Variants in LOC128092252 observed in about 807,000 individuals in gnomAD.
chr15:50,658,409 C>CA, the LOC128092252 span, among the ~76,000 whole-genome samples: 43 of 143,548 alleles, frequency 3.0e-4, no homozygotes, highest in East Asian at 2.2e-3. Flanking sequence ...TCCGTCTCTA[C>CA]AAAAAAAAAA....
chr15:50,660,899 G>T, the LOC128092252 span, among the ~76,000 whole-genome samples: 4 of 151,470 alleles, frequency 2.6e-5, no homozygotes, highest in Non-Finnish European at 5.9e-5. Flanking sequence ...GCTAAAAATC[G>T]AAAACAACTA....
chr15:50,671,018 C>T, the LOC128092252 span, among the ~76,000 whole-genome samples: 1 of 152,076 alleles, frequency 6.6e-6, no homozygotes, highest in African/African-American at 2.4e-5. Context: ...ATGGCTAAAT[C>T]GAGCTAATTA....
At chr15:50,654,955 T>G in the LOC128092252 span, among the ~76,000 whole-genome samples, 1 of 138,300 alleles carries the variant, frequency 7.2e-6, no homozygotes, top group Non-Finnish European at 1.5e-5. Flanking sequence ...GAGCTGAGAC[T>G]GCGCCACTGC....
the LOC128092252 span, among the ~76,000 whole-genome samples, chr15:50,653,270 G>C: frequency 6.6e-6 from 1 of 152,190 alleles, no homozygotes; most frequent in Admixed American, 6.6e-5. Context: ...TGGCAATATA[G>C]TGAGACCCCG....
At chr15:50,680,131 G>GGACA in the LOC128092252 span, among the ~76,000 whole-genome samples, 1 of 152,048 alleles carries the variant, frequency 6.6e-6, no homozygotes, top group Non-Finnish European at 1.5e-5. Flanking sequence ...CTACTCGGGA[G>GGACA]GCTGACAGAG....
chr15:50,686,516 G>A, the LOC128092252 span: 5 of 1,613,864 alleles, frequency 3.1e-6, no homozygotes, highest in South Asian at 5.5e-5. Flanking sequence ...GCCCGGGCCT[G>A]CGTGGGTCCA....
the LOC128092252 span, chr15:50,649,035 C>G: frequency 2.0e-6 from 1 of 511,568 alleles, no homozygotes; most frequent in East Asian, 3.3e-5. Flanking sequence ...TTTAGGATAT[C>G]TATATATTAA....
At chr15:50,672,989 GTGT>G in the LOC128092252 span, among the ~76,000 whole-genome samples, 1 of 148,940 alleles carries the variant, frequency 6.7e-6, no homozygotes, top group African/African-American at 2.5e-5. Context: ...TTTATACGAA[GTGT>G]TATTACAAGA....
At chr15:50,660,204 T>C in the LOC128092252 span, among the ~76,000 whole-genome samples, 2 of 152,232 alleles carry the variant, frequency 1.3e-5, no homozygotes, top group South Asian at 2.1e-4. Context: ...ACTCTAATGA[T>C]TGGAAGAGAT....
chr15:50,652,543 T>C, the LOC128092252 span, among the ~76,000 whole-genome samples: 4 of 132,566 alleles, frequency 3.0e-5, no homozygotes, highest in South Asian at 2.4e-4. Flanking sequence ...AAAAAAAAAA[T>C]CATTAATACA....
the LOC128092252 span, among the ~76,000 whole-genome samples, chr15:50,678,247 A>AC: frequency 7.9e-6 from 1 of 126,418 alleles, no homozygotes; most frequent in African/African-American, 2.9e-5. Flanking sequence ...CTCAAAAAAA[A>AC]AAAACAAAAA....
the LOC128092252 span, among the ~76,000 whole-genome samples, chr15:50,665,644 T>C: frequency 1.9e-3 from 294 of 152,214 alleles, 1 homozygote; most frequent in African/African-American, 6.4e-3. Flanking sequence ...ACCTGTACAA[T>C]GTAGTCTAAA....
chr15:50,679,341 A>G, the LOC128092252 span, among the ~76,000 whole-genome samples: 1 of 149,070 alleles, frequency 6.7e-6, no homozygotes, highest in Middle Eastern at 3.5e-3. Flanking sequence ...TCCAAAAAAA[A>G]CAAAACAGAA....
the LOC128092252 span, among the ~76,000 whole-genome samples, chr15:50,650,878 T>G: frequency 3.9e-5 from 6 of 152,192 alleles, no homozygotes; most frequent in African/African-American, 1.4e-4. Context: ...TTCACTATTG[T>G]CAGCATGCAT....
chr15:50,649,511 A>C, the LOC128092252 span, among the ~76,000 whole-genome samples: 16 of 152,266 alleles, frequency 1.1e-4, no homozygotes, highest in Middle Eastern at 3.4e-3. Context: ...ACCACTAATA[A>C]TACTACAGAA....
chr15:50,685,065 AT>A, the LOC128092252 span, among the ~76,000 whole-genome samples: 1 of 152,376 alleles, frequency 6.6e-6, no homozygotes, highest in East Asian at 1.9e-4. Context: ...AAATTATCCC[AT>A]TGAGGAATGA....
At chr15:50,680,625 T>C in the LOC128092252 span, among the ~76,000 whole-genome samples, 2 of 151,944 alleles carry the variant, frequency 1.3e-5, no homozygotes, top group Non-Finnish European at 2.9e-5. Context: ...GTCCTAAGGT[T>C]AATACACAGA....
the LOC128092252 span, chr15:50,686,451 C>A: frequency 2.9e-5 from 47 of 1,611,836 alleles, 1 homozygote; most frequent in South Asian, 4.9e-4. Flanking sequence ...CGGCTCCCCA[C>A]ACACTTGCCT....
chr15:50,650,198 A>T, the LOC128092252 span, among the ~76,000 whole-genome samples: 1 of 47,702 alleles, frequency 2.1e-5, no homozygotes, highest in Admixed American at 3.0e-4. Context: ...GTCTCAAAAA[A>T]AAAAAAAAAA....
Sources: gnomAD v4.1 joint callset for allele counts (sites outside exome capture counted in the v4.1 genomes callset) on GRCh38, gnomAD v4.1.1 for gene constraint, MANE v1.5 for transcripts.